Variants in GRIA4 observed in about 807,000 individuals in gnomAD.
GRIA4 encodes the protein glutamate ionotropic receptor AMPA type subunit 4, also known as glutamate receptor 4.
A neutral mutation model predicts 104.0 loss-of-function variants in GRIA4; 34 were observed. That is an observed-to-expected ratio of 0.33 (90% confidence interval 0.25 to 0.44). GRIA4 has a LOEUF of 0.44. Ranked by LOEUF, GRIA4 falls within the 20% of genes least tolerant of loss-of-function variation. The pLI, the probability that GRIA4 is intolerant of heterozygous loss-of-function variation, is 1.00. For missense variants in GRIA4, 750 were observed against 1,096.5 expected (o/e 0.68, Z 4.46); for synonymous variants, 386 against 381.9 (o/e 1.01, Z -0.13).
intron 14 of GRIA4, among the ~76,000 whole-genome samples, chr11:105,962,311 G>A (rs947928182): frequency 9.9e-5 from 15 of 152,084 alleles, no homozygotes; most frequent in Non-Finnish European, 2.1e-4. Context: ...GATTAAGCAT[G>A]CTTTTCACAA....
intron 3 of GRIA4, among the ~76,000 whole-genome samples, chr11:105,700,691 C>T (rs1044493725): frequency 6.6e-6 from 1 of 152,202 alleles, no homozygotes; most frequent in Admixed American, 6.6e-5. Context: ...TCCATGCATT[C>T]GAAATGCCAA....
intron 3 of GRIA4, among the ~76,000 whole-genome samples, chr11:105,657,268 A>G (rs1951872105): frequency 6.6e-6 from 1 of 152,002 alleles, no homozygotes; most frequent in Non-Finnish European, 1.5e-5. Context: ...AAGCTTTTCA[A>G]AAGTGTACAC....
At chr11:105,927,728 C>A (rs1484321033) in intron 13 of GRIA4, among the ~76,000 whole-genome samples, 1 of 151,584 alleles carries the variant, frequency 6.6e-6, no homozygotes, top group Non-Finnish European at 1.5e-5. Context: ...TTTTTCTAGT[C>A]TTTTTAAATC....
chr11:105,738,129 G>T (rs1432673418), intron 3 of GRIA4, among the ~76,000 whole-genome samples: 1 of 151,988 alleles, frequency 6.6e-6, no homozygotes, highest in Non-Finnish European at 1.5e-5. Flanking sequence ...TACAGAGCAG[G>T]CAGTCTCATT....
chr11:105,807,839 C>T (rs1028981130), intron 4 of GRIA4, among the ~76,000 whole-genome samples: 1 of 151,820 alleles, frequency 6.6e-6, no homozygotes. Context: ...TTTCTGCTCA[C>T]ATTGTCTGCC....
intron 3 of GRIA4, among the ~76,000 whole-genome samples, chr11:105,617,242 ATG>A (rs1464433230): frequency 1.3e-4 from 19 of 150,640 alleles, no homozygotes; most frequent in East Asian, 3.9e-4. Context: ...AAAACTATAT[ATG>A]TGTGTGTGTA....
chr11:105,851,961 T>G (rs1013554945), intron 4 of GRIA4, among the ~76,000 whole-genome samples: 12 of 152,202 alleles, frequency 7.9e-5, no homozygotes, highest in African/African-American at 2.7e-4. Context: ...CGGCAGCCTC[T>G]GGATCAGTGG....
chr11:105,707,182 A>AT (rs1953733826), intron 3 of GRIA4: 1 of 154,260 alleles, frequency 6.5e-6, no homozygotes, highest in Non-Finnish European at 1.5e-5. Context: ...CAGCTTAATG[A>AT]TATAGCTATT....
intron 4 of GRIA4, chr11:105,797,724 A>G: frequency 2.5e-6 from 1 of 407,940 alleles, no homozygotes; most frequent in Non-Finnish European, 4.9e-6. Context: ...TCTCTTTTGT[A>G]GGACTTGTAA....
At chr11:105,633,159 T>A (rs746734888) in intron 3 of GRIA4, among the ~76,000 whole-genome samples, 1 of 152,220 alleles carries the variant, frequency 6.6e-6, no homozygotes, top group Non-Finnish European at 1.5e-5. Flanking sequence ...CTCAATGAAT[T>A]AGTGCCATTT....
chr11:105,623,272 C>T (rs1226050101), intron 3 of GRIA4, among the ~76,000 whole-genome samples: 1 of 151,612 alleles, frequency 6.6e-6, no homozygotes, highest in African/African-American at 2.4e-5. Flanking sequence ...ATTTTTAGTT[C>T]TCAGACTGAA....
chr11:105,902,210 A>C (rs530371665), intron 7 of GRIA4, among the ~76,000 whole-genome samples: 1 of 152,316 alleles, frequency 6.6e-6, no homozygotes, highest in South Asian at 2.1e-4. Context: ...TATACTATTG[A>C]ACAGTTCTTT....
intron 4 of GRIA4, among the ~76,000 whole-genome samples, chr11:105,853,449 C>A (rs1402923996): frequency 6.6e-6 from 1 of 152,130 alleles, no homozygotes; most frequent in Non-Finnish European, 1.5e-5. Context: ...CAACTCATGA[C>A]CTCTCTCTGC....
chr11:105,972,065 A>C lies in GRIA4; in HGVS notation c.2409+37A>C, dbSNP rs1292907501. The C allele has an allele frequency of 3.1e-6, 4 of 1,271,906 alleles. 1 individual carries two copies. The South Asian group carries it at 4.8e-5, about 15-fold the overall frequency. The allele number at this position is 1,271,906 out of a possible 1,614,324, so 78.8% of individuals were successfully genotyped here. On this transcript the variant is annotated intron_variant, in intron 15 of 16. Coordinates refer to ENST00000282499, the MANE Select transcript of GRIA4 (RefSeq NM_000829.4). ...CAGTTCGGGGCCTCCTCTTGTGTTC[A>C]CAAAGCAGTAAACGGGAGCAATTGT...
At chr11:105,891,357 C>A (rs1359885833) in intron 6 of GRIA4, among the ~76,000 whole-genome samples, 1 of 152,132 alleles carries the variant, frequency 6.6e-6, no homozygotes. Context: ...AGTCATTGCC[C>A]CAATTTTTAC....
chr11:105,763,956 T>C (rs770219417), intron 4 of GRIA4, among the ~76,000 whole-genome samples: 5 of 152,190 alleles, frequency 3.3e-5, no homozygotes, highest in African/African-American at 7.2e-5. Context: ...TTTAAAAAGA[T>C]TTGAACTATG....
At chr11:105,782,613 G>T (rs895197467) in intron 4 of GRIA4, among the ~76,000 whole-genome samples, 5 of 152,132 alleles carry the variant, frequency 3.3e-5, no homozygotes, top group African/African-American at 9.7e-5. Context: ...ACTCTCTGGG[G>T]TCTGTGATTT....
intron 10 of GRIA4, chr11:105,911,793 T>TATATATATATATATATATATATATAC (rs1947249703): frequency 5.3e-6 from 1 of 187,752 alleles, no homozygotes; most frequent in Non-Finnish European, 1.1e-5. Context: ...TATATATATA[T>TATATATATATATATATATATATATAC]ATATATATAT....
At chr11:105,634,494 AAAG>A (rs1565419935) in intron 3 of GRIA4, among the ~76,000 whole-genome samples, 62 of 69,018 alleles carry the variant, frequency 9.0e-4, no homozygotes, top group Non-Finnish European at 1.1e-3. Flanking sequence ...AGAAAGAAAG[AAAG>A]AAAGAAAGAA....
Sources: gnomAD v4.1 joint callset for allele counts (sites outside exome capture counted in the v4.1 genomes callset) on GRCh38, gnomAD v4.1.1 for gene constraint, MANE v1.5 for transcripts, NCBI Gene and HGNC (gene_info 2026-07-23, HGNC 2026-07-21) for gene names.